Variants in RIPOR2 observed in about 807,000 individuals in gnomAD.
RIPOR2 encodes the protein rho family-interacting cell polarization regulator 2.
In RIPOR2, 39 loss-of-function variants were observed where a neutral mutation model predicts 114.5. That is an observed-to-expected ratio of 0.34 (90% CI 0.26 to 0.44). The LOEUF (loss-of-function observed/expected upper bound fraction) is 0.44. RIPOR2 is among the 20% of genes least tolerant of loss of function. The pLI, the probability that RIPOR2 is intolerant of heterozygous loss-of-function variation, is 1.00. For synonymous variants in RIPOR2, 445 were observed against 484.4 expected, an observed-to-expected ratio of 0.92 and a Z score of 1.07; for missense variants, 1,007 against 1,255.1, an observed-to-expected ratio of 0.80 and a Z score of 2.99.
chr6:24,832,107 A>T, intron 16 of RIPOR2, 149 bp downstream of exon 16: 1 of 746,658 alleles, frequency 1.3e-6, no homozygotes, highest in Non-Finnish European at 2.1e-6. Flanking sequence ...GACATTAATG[A>T]GCCCAATTTG....
chr6:24,824,817 A>G (rs965932835), intron 19 of RIPOR2, among the ~76,000 whole-genome samples: 1 of 152,238 alleles, frequency 6.6e-6, no homozygotes, highest in African/African-American at 2.4e-5. Flanking sequence ...ACCAATACAC[A>G]GTAAGAAAAT....
intron 1 of RIPOR2, among the ~76,000 whole-genome samples, chr6:25,018,963 T>C (rs1341096524): frequency 6.6e-6 from 1 of 152,234 alleles, no homozygotes; most frequent in African/African-American, 2.4e-5. Flanking sequence ...TTATTGTTAC[T>C]CATATACCTA....
intron 1 of RIPOR2, among the ~76,000 whole-genome samples, chr6:24,947,064 G>A (rs1176583930): frequency 6.7e-6 from 1 of 149,148 alleles, no homozygotes; most frequent in African/African-American, 2.4e-5. Context: ...ACGTGAAGGA[G>A]GAGCAGAATA....
In RIPOR2 at chr6:24,977,045, C is replaced by T. The variant is rs1414417035; in HGVS notation, c.76+64806G>A. ...TTCTGTAGCTCAGGAGAGCACCCCT[C>T]CACCCCATTTGCTTGCAGTATCCCA... On this transcript the variant is annotated intron_variant, in intron 1 of 13. Coordinates refer to the RIPOR2 transcript ENST00000510784. 3.6e-6 allele frequency: 5 copies of T among 1,401,944 alleles called. No homozygotes were observed. In the East Asian group the frequency reaches 9.2e-5, roughly 26 times the overall value. 86.8% of individuals were successfully genotyped at this position (1,401,944 alleles called of 1,614,324 possible). A position where few individuals can be genotyped will look rare whatever the true frequency, so the allele number is the denominator to read the frequency against.
rs758291021 is a variant in RIPOR2, at chr6:24,818,615, T to C, written c.2879A>G (p.Tyr960Cys). The change falls in exon 20 of 22, where the codon TAT becomes TGT. Residue 960 changes from tyrosine to cysteine, a missense_variant. Coordinates refer to ENST00000643898, the MANE Select transcript of RIPOR2 (RefSeq NM_001286445.3). ...NQHFREKALLYYCEALTKTNL... is the reference protein window; with the variant it reads ...NQHFREKALLCYCEALTKTNL... ...TGTCTTTGTTAGTGCTTCACAGTAA[T>C]AGAGCAAGGCCTGAAAGAGAAGGAG... 5 of 1,549,050 alleles carry C rather than the reference T, an allele frequency of 3.2e-6. No individual in the cohort carries two copies. The highest frequency in any genetic ancestry group is 2.4e-5 in the South Asian group (2 of 83,732).
chr6:25,013,524 G>C (rs1356422691), intron 1 of RIPOR2, among the ~76,000 whole-genome samples: 1 of 152,218 alleles, frequency 6.6e-6, no homozygotes, highest in African/African-American at 2.4e-5. Context: ...AGGGAGGTGA[G>C]CCCACCTTCA....
intron 21 of RIPOR2, among the ~76,000 whole-genome samples, 185 bp downstream of exon 21, chr6:24,809,532 T>G (rs1433460382): frequency 6.6e-6 from 1 of 152,156 alleles, no homozygotes; most frequent in East Asian, 1.9e-4. Flanking sequence ...AACAAGGAGT[T>G]GGGGTGAGAT....
At chr6:24,897,960 G>T (rs186522481) in intron 1 of RIPOR2, among the ~76,000 whole-genome samples, 1 of 151,788 alleles carries the variant, frequency 6.6e-6, no homozygotes, top group Non-Finnish European at 1.5e-5. Flanking sequence ...GGAGGCGGAG[G>T]TTGCAGAGAG....
intron 1 of RIPOR2, among the ~76,000 whole-genome samples, chr6:24,974,787 A>T (rs1352511061): frequency 6.6e-6 from 1 of 152,258 alleles, no homozygotes; most frequent in Admixed American, 6.5e-5. Flanking sequence ...TGGTATAGTC[A>T]TACAGTGCAA....
At chr6:24,950,146 A>G (rs1772674210) in intron 1 of RIPOR2, among the ~76,000 whole-genome samples, 3 of 152,212 alleles carry the variant, frequency 2.0e-5, no homozygotes, top group African/African-American at 7.2e-5. Flanking sequence ...TGAGTATCAA[A>G]TGTTCCTGGA....
chr6:25,040,737 C>T (rs1217296737), intron 1 of RIPOR2, among the ~76,000 whole-genome samples: 14 of 151,166 alleles, frequency 9.3e-5, no homozygotes, highest in African/African-American at 3.4e-4. Flanking sequence ...GGATTACAGG[C>T]GTCCACCACC....
intron 1 of RIPOR2, among the ~76,000 whole-genome samples, chr6:24,993,193 T>C (rs558147107): frequency 2.0e-5 from 3 of 152,336 alleles, no homozygotes; most frequent in African/African-American, 7.2e-5. Flanking sequence ...ACCTCCTAGA[T>C]TCATTGATCT....
chr6:25,019,490 C>T (rs919389522), intron 1 of RIPOR2, among the ~76,000 whole-genome samples: 2 of 151,908 alleles, frequency 1.3e-5, no homozygotes, highest in African/African-American at 2.4e-5. Context: ...GAGAGGTCGG[C>T]GGGGCGCGGT....
upstream of RIPOR2, chr6:24,935,987 G>A: frequency 9.7e-7 from 1 of 1,027,994 alleles, no homozygotes; most frequent in Non-Finnish European, 1.5e-6. Flanking sequence ...TCCTTTCCTT[G>A]GGTTGCCCAA....
intron 1 of RIPOR2, among the ~76,000 whole-genome samples, chr6:25,026,605 A>G (rs1581975805): frequency 1.3e-5 from 2 of 152,196 alleles, no homozygotes; most frequent in East Asian, 3.8e-4. Flanking sequence ...TTTTCTGTAT[A>G]TTTTAAGAGA....
At chr6:24,846,490 G>T (rs543947971) in intron 12 of RIPOR2, among the ~76,000 whole-genome samples, 25 of 151,890 alleles carry the variant, frequency 1.6e-4, no homozygotes, top group Non-Finnish European at 2.9e-4. Context: ...ATTTTTTGTA[G>T]AGACGGGGTC....
chr6:24,844,429 CT>C (rs1762050518), intron 12 of RIPOR2, among the ~76,000 whole-genome samples: 1 of 151,430 alleles, frequency 6.6e-6, no homozygotes, highest in African/African-American at 2.4e-5. Context: ...GTGGAAAGGG[CT>C]TTTGAGTTAC....
Position 24,883,148 on chromosome 6 carries a change from C to T in RIPOR2, c.62-7331G>A, listed in dbSNP as rs761261753. On this transcript the variant is annotated intron_variant, in intron 1 of 21. Coordinates refer to ENST00000643898, the MANE Select transcript of RIPOR2 (RefSeq NM_001286445.3). The surrounding 1 kb of genome is among the most constrained non-coding windows in gnomAD (Gnocchi z 4.1). ...TTAAAAATTTAACCAAACCTTCTAT[C>T]GAATTAAGAATACAAACAGGCAATT... 5.3e-5 allele frequency among the ~76,000 whole-genome samples: 8 copies of T among 152,112 alleles called. No homozygotes were observed. Among genetic ancestry groups the T allele is most frequent in the Non-Finnish European group, 8.8e-5 (6 of 68,020 alleles).
At chr6:24,907,783 C>A (rs1230338963) in intron 1 of RIPOR2, among the ~76,000 whole-genome samples, 1 of 152,078 alleles carries the variant, frequency 6.6e-6, no homozygotes, top group African/African-American at 2.4e-5. Context: ...AGAAATGAAG[C>A]CAAAAGAAGG....
Sources: gnomAD v4.1 joint callset for allele counts (sites outside exome capture counted in the v4.1 genomes callset) on GRCh38, gnomAD v4.1.1 for gene constraint, Gnocchi (gnomAD v3.1) non-coding constraint, MANE v1.5 for transcripts, NCBI Gene and HGNC (gene_info 2026-07-23, HGNC 2026-07-21) for gene names.